MED12L: variants seen among roughly 807,000 people sequenced by gnomAD.
MED12L encodes mediator complex subunit 12L.
Under a neutral mutation model 281.3 loss-of-function variants are expected in MED12L, and 60 were observed. That is an observed-to-expected ratio of 0.21 (90% confidence interval 0.17 to 0.26). The LOEUF (loss-of-function observed/expected upper bound fraction) is 0.26. Among genes scored for constraint, MED12L ranks in the 10% least tolerant of loss-of-function variants. MED12L has a pLI of 1.00. For missense variants in MED12L, 2,146 were observed against 2,680.9 expected (o/e 0.80, Z 4.41); for synonymous variants, 974 against 987.2 (o/e 0.99, Z 0.25).
intron 2 of MED12L, 114 bp downstream of exon 2, chr3:151,087,139 G>C (rs558870666): frequency 1.2e-6 from 1 of 841,618 alleles, no homozygotes; most frequent in East Asian, 3.0e-5. Context: ...GTCGGGGAGG[G>C]GGATTAGAGG....
At chr3:151,218,851 A>G (rs1728751523) in intron 16 of MED12L, among the ~76,000 whole-genome samples, 1 of 132,548 alleles carries the variant, frequency 7.5e-6, no homozygotes, top group Non-Finnish European at 1.6e-5. Context: ...TGGGTGACAG[A>G]GCAAGACTCA....
At chr3:151,211,398 G>GTT (rs568956935) in intron 16 of MED12L, among the ~76,000 whole-genome samples, 118 of 134,824 alleles carry the variant, frequency 8.8e-4, no homozygotes, top group East Asian at 8.2e-3. Flanking sequence ...TTTGTTTTTT[G>GTT]TTTTTTTTTT....
At chr3:151,087,087 C>A in intron 2 of MED12L, 62 bp downstream of exon 2, 1 of 1,358,638 alleles carries the variant, frequency 7.4e-7, no homozygotes, top group Non-Finnish European at 1.0e-6. Context: ...GACCCGGGGC[C>A]AAGTTGGCCC....
intron 2 of MED12L, among the ~76,000 whole-genome samples, chr3:151,101,502 A>G (rs1721387654): frequency 6.6e-6 from 1 of 152,112 alleles, no homozygotes; most frequent in African/African-American, 2.4e-5. Flanking sequence ...TAGTGAGTCT[A>G]AGAATGCTGC....
intron 16 of MED12L, chr3:151,328,307 T>C: frequency 6.2e-7 from 1 of 1,613,968 alleles, no homozygotes; most frequent in Non-Finnish European, 8.5e-7. Context: ...CAGCTTTTTG[T>C]TGTTTTTTCT....
At chr3:151,408,767 C>T (rs1716622529) in intron 39 of MED12L, among the ~76,000 whole-genome samples, 1 of 152,186 alleles carries the variant, frequency 6.6e-6, no homozygotes, top group African/African-American at 2.4e-5. Context: ...TAAATGTATT[C>T]CTTGAATATC....
In MED12L at chr3:151,293,058, A is replaced by G. The variant is rs142519189; in HGVS notation, c.2251-57001A>G. Among the ~76,000 whole-genome samples, 256 of 152,304 alleles carry G rather than the reference A, an allele frequency of 1.7e-3. 1 individual carries two copies. The highest frequency in any genetic ancestry group is 5.8e-3 in the African/African-American group (240 of 41,570). On this transcript the variant is annotated intron_variant, in intron 16 of 44. Transcript: ENST00000687756. ...CAGATATTTTGATAGAAGTCCTCAG[A>G]TAATCCTTTTAACCCCTTTGCCATT...
At chr3:151,102,965 A>G (rs922384533) in intron 2 of MED12L, among the ~76,000 whole-genome samples, 24 of 152,292 alleles carry the variant, frequency 1.6e-4, no homozygotes, top group African/African-American at 5.8e-4. Flanking sequence ...GACAGAAACC[A>G]AGGCTTATGT....
chr3:151,295,590 G>A (rs1035708154), intron 16 of MED12L, among the ~76,000 whole-genome samples: 1 of 152,064 alleles, frequency 6.6e-6, no homozygotes, highest in Non-Finnish European at 1.5e-5. Flanking sequence ...AAATACAATA[G>A]CCAACACATG....
intron 5 of MED12L, among the ~76,000 whole-genome samples, chr3:151,154,006 G>A (rs1718933353): frequency 6.6e-6 from 1 of 152,192 alleles, no homozygotes; most frequent in African/African-American, 2.4e-5. Flanking sequence ...AGGGCTGAGA[G>A]CTGAGTTGAA....
At chr3:151,103,370 T>G (rs1362359537) in intron 2 of MED12L, among the ~76,000 whole-genome samples, 1 of 152,168 alleles carries the variant, frequency 6.6e-6, no homozygotes, top group Non-Finnish European at 1.5e-5. Flanking sequence ...CTAAGTATAT[T>G]TAGATATAAT....
intron 2 of MED12L, among the ~76,000 whole-genome samples, chr3:151,101,305 G>A (rs1721364857): frequency 6.6e-6 from 1 of 152,154 alleles, no homozygotes; most frequent in Non-Finnish European, 1.5e-5. Flanking sequence ...TTGTTGTTCT[G>A]AGTGCTTTAG....
chr3:151,428,746 C>T (rs1398020947), intron 43 of MED12L, among the ~76,000 whole-genome samples: 1 of 152,126 alleles, frequency 6.6e-6, no homozygotes, highest in Non-Finnish European at 1.5e-5. Flanking sequence ...ATACACGGCT[C>T]CCAGTTAAAT....
At chr3:151,105,378 C>G (rs965843) in intron 2 of MED12L, among the ~76,000 whole-genome samples, 66,601 of 151,942 alleles carry the variant, frequency 0.44, 16,753 homozygotes, top group African/African-American at 0.71. Flanking sequence ...TACTCACTGT[C>G]TTCCTCACCT....
chr3:151,285,307 A>T (rs1301138026), intron 16 of MED12L, among the ~76,000 whole-genome samples: 1 of 151,782 alleles, frequency 6.6e-6, no homozygotes, highest in African/African-American at 2.4e-5. Context: ...ACACGGTGAA[A>T]CCCCGTCTCT....
chr3:151,213,589 A>G, intron 16 of MED12L: 1 of 1,614,204 alleles, frequency 6.2e-7, no homozygotes, highest in Non-Finnish European at 8.5e-7. Flanking sequence ...AAAACAGACA[A>G]AAAACACAAA....
intron 39 of MED12L, among the ~76,000 whole-genome samples, chr3:151,402,204 A>G (rs1423682447): frequency 6.6e-6 from 1 of 152,228 alleles, no homozygotes; most frequent in African/African-American, 2.4e-5. Flanking sequence ...CTTCATCTCT[A>G]TCTCCAGAAC....
chr3:151,329,262 C>T (rs1376226045), intron 16 of MED12L, among the ~76,000 whole-genome samples: 11 of 152,044 alleles, frequency 7.2e-5, no homozygotes, highest in African/African-American at 2.7e-4. Flanking sequence ...ACAGGTTCTG[C>T]CTCATTCACA....
intron 5 of MED12L, among the ~76,000 whole-genome samples, chr3:151,146,517 G>A (rs1560092832): frequency 6.6e-6 from 1 of 152,150 alleles, no homozygotes; most frequent in Non-Finnish European, 1.5e-5. Flanking sequence ...GGCATTTAGT[G>A]TTTGCTGCTA....
Sources: gnomAD v4.1 joint callset for allele counts (sites outside exome capture counted in the v4.1 genomes callset) on GRCh38, gnomAD v4.1.1 for gene constraint, MANE v1.5 for transcripts, NCBI Gene and HGNC (gene_info 2026-07-23, HGNC 2026-07-21) for gene names.